The following ZPBP variants were observed in gnomAD, a reference collection of about 807,000 sequenced individuals.
ZPBP encodes the protein zona pellucida-binding protein 1.
Under a neutral mutation model 44.8 loss-of-function variants are expected in ZPBP, and 26 were observed. The observed-to-expected ratio is 0.58, with a 90% CI of 0.43 to 0.81. The LOEUF (loss-of-function observed/expected upper bound fraction) is 0.81, where lower values mean the gene tolerates loss of function less well. Ranked by LOEUF, ZPBP falls within the 30% of genes least tolerant of loss-of-function variation. The probability of loss-of-function intolerance (pLI) is 0.00; values close to 1 mark genes in which losing one functional copy is unlikely to be tolerated. For synonymous variants in ZPBP, 174 were observed against 153.2 expected (o/e 1.14, Z -1.00); for missense variants, 409 against 434.0 (o/e 0.94, Z 0.51).
At chr7:49,882,039 C>T (rs1283191495) in intron 2 of ZPBP, among the ~76,000 whole-genome samples, 2 of 151,670 alleles carry the variant, frequency 1.3e-5, no homozygotes, top group Non-Finnish European at 2.9e-5. Context: ...GCGCCATCTG[C>T]CAGCTTAACA....
intron 2 of ZPBP, among the ~76,000 whole-genome samples, chr7:50,085,753 G>C (rs1409239746): frequency 1.3e-5 from 2 of 152,036 alleles, no homozygotes; most frequent in Non-Finnish European, 2.9e-5. Context: ...AGCAACAATT[G>C]GGGAAAACAA....
chr7:49,852,360 C>A (rs1034420054), intron 2 of ZPBP, among the ~76,000 whole-genome samples: 1 of 152,196 alleles, frequency 6.6e-6, no homozygotes, highest in African/African-American at 2.4e-5. Flanking sequence ...AGAGGCCTGG[C>A]AGGCATGAGC....
intron 2 of ZPBP, among the ~76,000 whole-genome samples, chr7:49,858,692 T>TA (rs1790527735): frequency 6.6e-6 from 1 of 150,470 alleles, no homozygotes; most frequent in Non-Finnish European, 1.5e-5. Context: ...CCCTAAAACT[T>TA]AAAGTATAAT....
At chr7:50,046,431 G>C in intron 4 of ZPBP, among the ~76,000 whole-genome samples, 1 of 147,980 alleles carries the variant, frequency 6.8e-6, no homozygotes, top group South Asian at 2.2e-4. Context: ...AATCTACAAG[G>C]AACTTAAACA....
chr7:49,873,925 A>C (rs1054008090), intron 2 of ZPBP, among the ~76,000 whole-genome samples: 2 of 152,222 alleles, frequency 1.3e-5, no homozygotes. Flanking sequence ...AAAACAACAA[A>C]AAAAAGATGA....
chr7:49,916,414 T>C (rs1474065783), intron 1 of ZPBP: 1 of 152,230 alleles, frequency 6.6e-6, no homozygotes, highest in Non-Finnish European at 1.5e-5. Context: ...TTAGCCATTT[T>C]CAATGTCCAG....
intron 2 of ZPBP, among the ~76,000 whole-genome samples, chr7:49,900,658 A>G (rs73336276): frequency 0.022 from 3,335 of 151,946 alleles, 145 homozygotes; most frequent in African/African-American, 0.076. Flanking sequence ...GATATAATCA[A>G]TAATTAACAT....
chr7:50,091,381 G>A (rs1382297342), intron 1 of ZPBP, among the ~76,000 whole-genome samples: 2 of 152,122 alleles, frequency 1.3e-5, no homozygotes, highest in Non-Finnish European at 2.9e-5. Flanking sequence ...TTGCTTTTGG[G>A]TTCTTGGACA....
chr7:49,859,983 T>C (rs1790586226), intron 2 of ZPBP, among the ~76,000 whole-genome samples: 1 of 151,826 alleles, frequency 6.6e-6, no homozygotes, highest in Non-Finnish European at 1.5e-5. Context: ...TATACTTATA[T>C]TTATATACAT....
At chr7:50,046,974 G>T (rs997484917) in intron 4 of ZPBP, among the ~76,000 whole-genome samples, 2 of 152,142 alleles carry the variant, frequency 1.3e-5, no homozygotes, top group Admixed American at 6.5e-5. Context: ...CATAAAAAAG[G>T]ATGAGCTCAT....
chr7:50,001,878 G>A (rs938288292), intron 6 of ZPBP, among the ~76,000 whole-genome samples: 1 of 152,088 alleles, frequency 6.6e-6, no homozygotes, highest in Non-Finnish European at 1.5e-5. Flanking sequence ...AACTGTGAGG[G>A]TTATCCTCAA....
chr7:49,989,637 A>G (rs1291867151), intron 6 of ZPBP, among the ~76,000 whole-genome samples: 2 of 152,196 alleles, frequency 1.3e-5, no homozygotes, highest in African/African-American at 2.4e-5. Context: ...ATCAAAATCT[A>G]CATTCATTAG....
intron 6 of ZPBP, among the ~76,000 whole-genome samples, chr7:50,016,772 C>T (rs1798839454): frequency 6.6e-6 from 1 of 152,008 alleles, no homozygotes; most frequent in Non-Finnish European, 1.5e-5. Context: ...TAATAACTGA[C>T]TAATGTTTAT....
At chr7:50,005,821 ATATG>A (rs1426733025) in intron 6 of ZPBP, among the ~76,000 whole-genome samples, 5 of 105,912 alleles carry the variant, frequency 4.7e-5, no homozygotes, top group African/African-American at 1.8e-4. Context: ...TCATAACTAT[ATATG>A]TGTGTGTGTG....
At chr7:50,078,984 C>CA (rs1304073002) in intron 3 of ZPBP, among the ~76,000 whole-genome samples, 7 of 148,592 alleles carry the variant, frequency 4.7e-5, no homozygotes, top group Non-Finnish European at 7.5e-5. Flanking sequence ...TAAGAGAGAA[C>CA]AAAAAAAAAG....
chr7:49,996,317 G>A (rs6968833), intron 6 of ZPBP, among the ~76,000 whole-genome samples: 121,027 of 152,026 alleles, frequency 0.8, 48,351 homozygotes, highest in East Asian at 0.89. Context: ...TAACCACAGG[G>A]TGGGTTTGGG....
chr7:50,080,732 G>T (rs550786900), intron 3 of ZPBP, among the ~76,000 whole-genome samples: 2 of 151,644 alleles, frequency 1.3e-5, no homozygotes, highest in Non-Finnish European at 3.0e-5. Context: ...GTGCTTTTAC[G>T]CCTGGATCAC....
intron 3 of ZPBP, among the ~76,000 whole-genome samples, chr7:50,078,674 C>T (rs941122501): frequency 1.3e-5 from 2 of 151,544 alleles, no homozygotes; most frequent in African/African-American, 4.8e-5. Flanking sequence ...ATGAACAAGA[C>T]TCCAAAAGCA....
At chr7:49,881,795 TATA>T (rs1035920487) in intron 2 of ZPBP, among the ~76,000 whole-genome samples, 6 of 152,128 alleles carry the variant, frequency 3.9e-5, no homozygotes, top group African/African-American at 9.6e-5. Flanking sequence ...TCACTTTGTA[TATA>T]ATAATAATTA....
Sources: allele counts gnomAD v4.1 joint callset (sites outside exome capture counted in the v4.1 genomes callset), GRCh38; gene constraint gnomAD v4.1.1; transcripts MANE v1.5; gene names NCBI Gene and HGNC (gene_info 2026-07-23, HGNC 2026-07-21).